Variants in CD1B observed in about 807,000 individuals in gnomAD.
CD1B encodes the protein T-cell surface glycoprotein CD1b.
Under a neutral mutation model 39.8 loss-of-function variants are expected in CD1B, and 43 were observed. That is an observed-to-expected ratio of 1.08 (90% CI 0.85 to 1.39). The LOEUF (loss-of-function observed/expected upper bound fraction) is 1.39, where lower values mean the gene tolerates loss of function less well. Among genes scored for constraint, CD1B ranks in the 40% most tolerant of loss-of-function variants. The probability of loss-of-function intolerance (pLI) is 0.00; values close to 1 mark genes in which losing one functional copy is unlikely to be tolerated. For synonymous variants in CD1B, 192 were observed against 152.5 expected (o/e 1.26, Z -1.91); for missense variants, 495 against 403.8 (o/e 1.23, Z -1.94).
chr1:158,308,327 A>T, the CD1B span, among the ~76,000 whole-genome samples: 2 of 152,182 alleles, frequency 1.3e-5, no homozygotes. Flanking sequence ...CAGTGAAATA[A>T]AAGAAGATAC....
chr1:158,291,947 G>T, the CD1B span: 1 of 822,108 alleles, frequency 1.2e-6, no homozygotes, highest in East Asian at 2.6e-5. Context: ...TCTTGTTTCT[G>T]ATCAAATATG....
At chr1:158,323,823 G>T (rs1455203885), downstream of CD1B, among the ~76,000 whole-genome samples, 1 of 152,194 alleles carries the variant, frequency 6.6e-6, no homozygotes, top group African/African-American at 2.4e-5. Flanking sequence ...GTGTGAGGAA[G>T]CTGGCCAGGG....
the CD1B span, chr1:158,293,391 C>T: frequency 6.3e-7 from 1 of 1,595,032 alleles, no homozygotes. Context: ...TTGACTACTC[C>T]ACCTTATCCT....
chr1:158,292,224 A>G, the CD1B span: 4 of 1,614,160 alleles, frequency 2.5e-6, no homozygotes, highest in Non-Finnish European at 2.5e-6. Flanking sequence ...AGGCTGTGGA[A>G]GTTTGGCCCA....
At chr1:158,326,032 C>T (rs560547664), downstream of CD1B, among the ~76,000 whole-genome samples, 9 of 152,222 alleles carry the variant, frequency 5.9e-5, no homozygotes, top group South Asian at 8.3e-4. Context: ...TGCAGTGGCG[C>T]GATCTCGGCT....
chr1:158,297,949 C>CA, the CD1B span, among the ~76,000 whole-genome samples: 66,291 of 129,206 alleles, frequency 0.51, 16,606 homozygotes, highest in East Asian at 0.71. Context: ...TTAAAAAAGA[C>CA]AAAAAAAAAA....
chr1:158,286,589 C>A, the CD1B span, among the ~76,000 whole-genome samples: 1 of 152,174 alleles, frequency 6.6e-6, no homozygotes, highest in South Asian at 2.1e-4. Flanking sequence ...CTGTGACACA[C>A]CGGCAGGGAC....
At chr1:158,305,458 G>T in the CD1B span, among the ~76,000 whole-genome samples, 4 of 152,242 alleles carry the variant, frequency 2.6e-5, no homozygotes, top group African/African-American at 9.6e-5. Context: ...TGTCTGATTG[G>T]TGTACCTGAA....
chr1:158,304,446 C>T, the CD1B span, among the ~76,000 whole-genome samples: 4 of 152,102 alleles, frequency 2.6e-5, no homozygotes, highest in Non-Finnish European at 4.4e-5. Context: ...CCAGGAAGCT[C>T]GAATGGGGTG....
the CD1B span, chr1:158,291,370 C>G: frequency 3.1e-6 from 5 of 1,613,946 alleles, no homozygotes; most frequent in Non-Finnish European, 4.2e-6. Flanking sequence ...TCGGGAGATT[C>G]AAGACCATGC....
At position 158,328,260 on chromosome 1, in the gene CD1B, G is replaced by A. The variant is rs1055142492; in HGVS notation, c.981-3C>T. 5.6e-6 allele frequency: 9 copies of A among 1,610,094 alleles called. No individual in the cohort carries two copies. The highest frequency in any genetic ancestry group is 6.8e-6 in the Non-Finnish European group (8 of 1,176,826). ...CTCATGGGATATTCTGATATGACCT[G>A]TTAAAAACAGAAGAACAAAAGAGCT... On this transcript the variant is annotated splice_polypyrimidine_tract_variant and splice_region_variant and intron_variant, in intron 5 of 5. Coordinates refer to ENST00000368168, the MANE Select transcript of CD1B (RefSeq NM_001764.3).
chr1:158,328,834 T>C, intron 5 of CD1B, 87 bp downstream of exon 5: 1 of 980,418 alleles, frequency 1.0e-6, no homozygotes, highest in Admixed American at 2.6e-5. Context: ...GATAAACAAT[T>C]TTTAAATAGA....
chr1:158,316,571 G>T, the CD1B span, among the ~76,000 whole-genome samples: 1 of 151,630 alleles, frequency 6.6e-6, no homozygotes, highest in African/African-American at 2.4e-5. Flanking sequence ...AGACAATGGG[G>T]TTTTCTAGAT....
downstream of CD1B, among the ~76,000 whole-genome samples, chr1:158,327,489 G>GA (rs577061665): frequency 1.5e-4 from 22 of 150,150 alleles, no homozygotes; most frequent in East Asian, 1.4e-3. Flanking sequence ...CAACTAAAAA[G>GA]AAAAAAAAAT....
chr1:158,318,941 A>T, the CD1B span, among the ~76,000 whole-genome samples: 1 of 152,162 alleles, frequency 6.6e-6, no homozygotes, highest in South Asian at 2.1e-4. Flanking sequence ...TTGGCTGGAT[A>T]TTTAATTCTG....
chr1:158,329,681 T>C (rs1005536163), intron 3 of CD1B, 33 bp from the exon 4 acceptor site: 3 of 1,606,068 alleles, frequency 1.9e-6, no homozygotes, highest in Non-Finnish European at 1.7e-6. Context: ...AAGTGTCATG[T>C]TATAACTCGA....
At chr1:158,291,086 C>G in the CD1B span, 5 of 1,527,342 alleles carry the variant, frequency 3.3e-6, no homozygotes, top group Non-Finnish European at 4.5e-6. Context: ...TTCCTTGCCT[C>G]TCTTTTTTTT....
At chr1:158,292,903 G>A in the CD1B span, 13 of 1,609,052 alleles carry the variant, frequency 8.1e-6, no homozygotes, top group African/African-American at 1.3e-5. Flanking sequence ...AGTGTAGGTA[G>A]GTGGTTCTTG....
At chr1:158,320,675 G>A in the CD1B span, among the ~76,000 whole-genome samples, 1 of 151,962 alleles carries the variant, frequency 6.6e-6, no homozygotes, top group Admixed American at 6.6e-5. Context: ...GGCCATCTTG[G>A]CTCCTCCCCC....
Sources: gnomAD v4.1 joint callset for allele counts (sites outside exome capture counted in the v4.1 genomes callset) on GRCh38, gnomAD v4.1.1 for gene constraint, MANE v1.5 for transcripts, NCBI Gene and HGNC (gene_info 2026-07-23, HGNC 2026-07-21) for gene names.